The following CCDC136 variants were observed in gnomAD, a reference collection of about 807,000 sequenced individuals.
CCDC136 encodes coiled-coil domain-containing protein 136.
A neutral mutation model predicts 141.2 loss-of-function variants in CCDC136; 100 were observed. That is an observed-to-expected ratio of 0.71 (90% CI 0.60 to 0.84). CCDC136 has a LOEUF of 0.84. Ranked by LOEUF, CCDC136 falls within the 40% of genes least tolerant of loss-of-function variation. The pLI is 0.00. For synonymous variants in CCDC136, 474 were observed against 531.9 expected, an observed-to-expected ratio of 0.89 and a Z score of 1.50; for missense variants, 1,206 against 1,379.4, an observed-to-expected ratio of 0.87 and a Z score of 1.99.
At chr7:128,809,264 C>G in intron 10 of CCDC136, 186 bp from the exon 11 acceptor site, 1 of 557,708 alleles carries the variant, frequency 1.8e-6, no homozygotes, top group South Asian at 2.3e-5. Flanking sequence ...GAAGGAGCAG[C>G]CTGCAGGGGA....
At position 128,794,412 on chromosome 7, in the gene CCDC136, G is replaced by A. The variant is rs1802639672; in HGVS notation, c.81G>A (p.Val27=). 2 of 1,553,816 alleles carry A rather than the reference G, an allele frequency of 1.3e-6. No individual in the cohort carries two copies. Among genetic ancestry groups the A allele is most frequent in the African/African-American group, 1.4e-5 (1 of 73,050 alleles). Residue 27 remains valine (V), a synonymous_variant, in exon 2 of 18, where the codon GTG becomes GTA. Transcript: ENST00000297788. This position sits in a 1 kb window ranked among gnomAD's most constrained non-coding sequence, Gnocchi z 4.3. ...EEEEEEEEEE[V]EEEEEQVQKG... ...AAGAGGAAGAGGAGGAAGAAGAGGT[G>A]GAAGAAGAAGAAGAACAAGTGCAGA... is the stretch of plus-strand genomic sequence containing the variant.
Position 128,809,432 on chromosome 7 carries a change from A to ACCCC in CCDC136, c.1606-15_1606-14insCCCC. ...CTTACAGAGTAACCACCCCCTCCAC[A>ACCCC]CCCGCCCCCACCCACAGTGTGACAC... On this transcript the variant is annotated splice_polypyrimidine_tract_variant and intron_variant, in intron 10 of 17. Transcript: ENST00000297788. The ACCCC allele has an allele frequency of 9.2e-5, 115 of 1,252,952 alleles. No individual in the cohort carries two copies. The highest frequency in any genetic ancestry group is 5.6e-4 in the Middle Eastern group (2 of 3,600). The allele number at this position is 1,252,952 out of a possible 1,614,324, so 77.6% of individuals were successfully genotyped here. A position where few individuals can be genotyped will look rare whatever the true frequency, so the allele number is the denominator to read the frequency against.
chr7:128,799,302 C>T (rs573178020), intron 3 of CCDC136, among the ~76,000 whole-genome samples: 1 of 151,386 alleles, frequency 6.6e-6, no homozygotes, highest in East Asian at 1.9e-4. Flanking sequence ...CATGATCATG[C>T]CACTCCACTC....
At chr7:128,808,529 T>C (rs1467095612) in intron 10 of CCDC136, 1 of 985,280 alleles carries the variant, frequency 1.0e-6, no homozygotes, top group Admixed American at 6.1e-5. Context: ...TCCTGATTAC[T>C]GATGGGAAAT....
intron 3 of CCDC136, among the ~76,000 whole-genome samples, chr7:128,796,722 A>AATATATAT (rs149502865): frequency 5.8e-5 from 7 of 120,728 alleles, no homozygotes; most frequent in African/African-American, 2.6e-4. Flanking sequence ...GATGATTCAG[A>AATATATAT]ATATATATAT....
rs947628888 is a variant in CCDC136 at position 128,817,598 on chromosome 7, A to G, written c.3364-160A>G. 6.6e-6 allele frequency among the ~76,000 whole-genome samples: 1 copy of G among 152,166 alleles called. No homozygotes were observed. Among genetic ancestry groups the G allele is most frequent in the Non-Finnish European group, 1.5e-5 (1 of 68,020 alleles). On this transcript the variant is annotated intron_variant, in intron 16 of 17. Transcript: ENST00000297788. This position sits in a 1 kb window ranked among gnomAD's most constrained non-coding sequence, Gnocchi z 4.6. ...AAAGAACCAAGGCCCAGGCAGCAGA[A>G]AAGACATGCAACTGCTCTAGCTTAC...
intron 1 of CCDC136, among the ~76,000 whole-genome samples, chr7:128,792,786 G>A (rs1802380219): frequency 6.6e-6 from 1 of 152,234 alleles, no homozygotes; most frequent in Admixed American, 6.5e-5. Flanking sequence ...ATTTTAAAAA[G>A]CAAGGAACTG....
chr7:128,812,558 A>G, intron 13 of CCDC136, 150 bp from the exon 14 acceptor site: 1 of 702,434 alleles, frequency 1.4e-6, no homozygotes. Context: ...CACAGCCACG[A>G]TGCTCTTTAT....
Position 128,822,101 on chromosome 7 carries a change from TC to T in CCDC136, c.*310del. 1 of 1,180,302 alleles carries T rather than the reference TC, an allele frequency of 8.5e-7. No individual in the cohort carries two copies. The highest frequency in any genetic ancestry group is 1.6e-5 in the South Asian group (1 of 63,098). The allele number at this position is 1,180,302 out of a possible 1,614,324, so 73.1% of individuals were successfully genotyped here. A position where few individuals can be genotyped will look rare whatever the true frequency, so the allele number is the denominator to read the frequency against. On this transcript the variant is annotated 3_prime_UTR_variant, in exon 18 of 18. Transcript: ENST00000297788. Reference sequence around the variant, plus strand: ...TCCTGCCTTGTGTAAGAACCTGAGTTCCTTGTAATTAAATATCAACTGAATT... The same window carrying T: ...TCCTGCCTTGTGTAAGAACCTGAGTTCTTGTAATTAAATATCAACTGAATT...
chr7:128,816,680 G>A lies in CCDC136; in HGVS notation c.3363+749G>A, dbSNP rs186456977. 9.8e-5 allele frequency among the ~76,000 whole-genome samples: 15 copies of A among 152,288 alleles called. No homozygotes were observed. The East Asian group carries it at 1.9e-3, about 20-fold the overall frequency. On this transcript the variant is annotated intron_variant, in intron 16 of 17. Coordinates refer to ENST00000297788, the MANE Select transcript of CCDC136 (RefSeq NM_022742.5). ...ACTTCCATATTTTAATAACTGGTAC[G>A]TCTCTGCAGGTATGTAGCAACTGAA...
Position 128,812,948 on chromosome 7 carries a change from G to A in CCDC136, c.2763+19G>A, listed in dbSNP as rs1459643554. 6.4e-7 allele frequency: 1 copy of A among 1,558,204 alleles called. No individual in the cohort carries two copies. Among genetic ancestry groups the A allele is most frequent in the Non-Finnish European group, 8.8e-7 (1 of 1,142,212 alleles). On this transcript the variant is annotated intron_variant, in intron 14 of 17. Transcript: ENST00000297788. Reference sequence around the variant, plus strand: ...GAATGAGGTAACCACTGTCAGGGAGGCAGGGTTTCCTCTGGCAGCCCCTGG... The same window carrying A: ...GAATGAGGTAACCACTGTCAGGGAGACAGGGTTTCCTCTGGCAGCCCCTGG...
chr7:128,812,927 G>A lies in CCDC136; in HGVS notation c.2761G>A (p.Glu921Lys). 1.2e-6 allele frequency: 2 copies of A among 1,601,386 alleles called. No individual in the cohort carries two copies. The highest frequency in any genetic ancestry group is 1.7e-6 in the Non-Finnish European group (2 of 1,173,692). Residue 921 changes from glutamate to lysine, a missense_variant and splice_region_variant, in exon 14 of 18, where the codon GAG becomes AAG. Glu to Lys is a moderately conservative substitution (Grantham distance 56, BLOSUM62 1). Transcript: ENST00000297788. ...CATGGCCCCCCAGAACGACAAGAAT[G>A]AGGTAACCACTGTCAGGGAGGCAGG... ...KPMAPQNDKN[E>K]IKELQTKLRE...
intron 3 of CCDC136, among the ~76,000 whole-genome samples, chr7:128,798,561 AT>A (rs1171615065): frequency 1.3e-5 from 2 of 151,884 alleles, no homozygotes; most frequent in Non-Finnish European, 1.5e-5. Flanking sequence ...CGACAATACC[AT>A]TTTTTTAGGG....
intron 3 of CCDC136, among the ~76,000 whole-genome samples, chr7:128,797,809 A>G (rs1025952269): frequency 6.6e-6 from 1 of 151,404 alleles, no homozygotes; most frequent in Non-Finnish European, 1.5e-5. Flanking sequence ...GAAAAGATCC[A>G]GTACAAAAAA....
chr7:128,806,631 G>C (rs555858010), intron 8 of CCDC136, 57 bp from the exon 9 acceptor site: 7 of 1,489,752 alleles, frequency 4.7e-6, no homozygotes, highest in Non-Finnish European at 5.5e-6. Flanking sequence ...GACTCACACA[G>C]AAGAGTGAGT....
At chr7:128,809,314 T>C in intron 10 of CCDC136, 136 bp from the exon 11 acceptor site, 1 of 651,308 alleles carries the variant, frequency 1.5e-6, no homozygotes, top group African/African-American at 1.8e-5. Context: ...GCATTGTGGC[T>C]TGGGGTGACC....
chr7:128,814,427 G>T (rs1806266619), intron 14 of CCDC136, among the ~76,000 whole-genome samples: 1 of 152,106 alleles, frequency 6.6e-6, no homozygotes, highest in Non-Finnish European at 1.5e-5. Context: ...ACATCATCAG[G>T]TGCCTCAAGT....
In CCDC136 at chr7:128,794,465, T is replaced by A; in HGVS notation, c.134T>A (p.Val45Asp). The A allele has an allele frequency of 6.4e-7, 1 of 1,552,252 alleles. No individual in the cohort carries two copies. Among genetic ancestry groups the A allele is most frequent in the Non-Finnish European group, 8.7e-7 (1 of 1,147,198 alleles). The change falls in exon 2 of 18, where the codon GTC becomes GAC. Residue 45 changes from valine to aspartate, a missense_variant. Coordinates refer to ENST00000297788, the MANE Select transcript of CCDC136 (RefSeq NM_022742.5). The surrounding 1 kb of genome is among the most constrained non-coding windows in gnomAD (Gnocchi z 4.3). ...QKGGSVGSLS[V>D]NKHRGLSLTE... ...GGTGGCAGTGTTGGCTCTCTGTCAG[T>A]CAACAAGCACCGGGGACTGAGCCTC...
intron 4 of CCDC136, 71 bp from the exon 5 acceptor site, chr7:128,804,579 G>A: frequency 1.1e-6 from 1 of 901,772 alleles, no homozygotes; most frequent in South Asian, 1.4e-5. Context: ...TTCAAGACAG[G>A]AAAACTGGGG....
Sources: allele counts gnomAD v4.1 joint callset (sites outside exome capture counted in the v4.1 genomes callset), GRCh38; gene constraint gnomAD v4.1.1; non-coding constraint Gnocchi (gnomAD v3.1); transcripts MANE v1.5; gene names NCBI Gene and HGNC (gene_info 2026-07-23, HGNC 2026-07-21).